DENND5B: variants seen among roughly 807,000 people sequenced by gnomAD.
DENND5B encodes DENN domain containing 5B, also known as DENN domain-containing protein 5B.
A neutral mutation model predicts 140.6 loss-of-function variants in DENND5B; 34 were observed. The ratio of observed to expected loss-of-function variants is 0.24; its 90% CI spans 0.18 to 0.32. The LOEUF (loss-of-function observed/expected upper bound fraction) is 0.32. DENND5B is among the 10% of genes least tolerant of loss of function. DENND5B has a pLI of 1.00. For synonymous variants in DENND5B, 551 were observed against 562.1 expected (o/e 0.98, Z 0.28); for missense variants, 1,142 against 1,560.2 (o/e 0.73, Z 4.52).
In DENND5B at chr12:31,479,959, G is replaced by A. The variant is rs780359826; in HGVS notation, c.534C>T (p.Ser178=). The A allele has an allele frequency of 6.2e-7, 1 of 1,613,874 alleles. No homozygotes were observed. ...ACAGGGTGTCTCTGCTAATATCATA[G>A]GAGTTGTATCGCTGGAGTTTCAAAA... is the stretch of plus-strand genomic sequence containing the variant. ...TSLLKLQRYN[S]YDISRDTLYV... is the part of the protein sequence containing the mutation. The change falls in exon 3 of 21, where the codon TCC becomes TCT. Residue 178 remains serine (S), a synonymous_variant. Transcript: ENST00000389082.
Position 31,426,386 on chromosome 12 carries a change from C to T in DENND5B, c.2145G>A (p.Leu715=). 6.2e-7 allele frequency: 1 copy of T among 1,612,444 alleles called. No homozygotes were observed. Among genetic ancestry groups the T allele is most frequent in the Non-Finnish European group, 8.5e-7 (1 of 1,179,170 alleles). Residue 715 remains leucine (L), a synonymous_variant, in exon 9 of 21, where the codon CTG becomes CTA. Coordinates refer to ENST00000389082, the MANE Select transcript of DENND5B (RefSeq NM_144973.4). ...AGAGGTCTGACAGTTTGGGTTGCCTCAGGTTTTTTCCTAAACTTCGTGCCT... is the reference window on the plus strand; with the variant it reads ...AGAGGTCTGACAGTTTGGGTTGCCTTAGGTTTTTTCCTAAACTTCGTGCCT... ...MQEARSLGKN[L]RQPKLSDLSP...
At position 31,523,058 on chromosome 12, in the gene DENND5B, T is replaced by C. The variant is rs1247352019; in HGVS notation, c.128-27139A>G. Among the ~76,000 whole-genome samples, 11 of 145,972 alleles carry C rather than the reference T, an allele frequency of 7.5e-5. No individual in the cohort carries two copies. The East Asian group carries it at 1.7e-3, about 22-fold the overall frequency. Reference sequence around the variant, plus strand: ...GGTGAGATAAATGTGCCTTTTTTTTTCCTTTTTTTTTTTTTTTAAAGAAAA... The same window carrying C: ...GGTGAGATAAATGTGCCTTTTTTTTCCCTTTTTTTTTTTTTTTAAAGAAAA... On this transcript the variant is annotated intron_variant, in intron 1 of 20. Coordinates refer to ENST00000389082, the MANE Select transcript of DENND5B (RefSeq NM_144973.4).
At chr12:31,511,920 C>T (rs1343845810) in intron 1 of DENND5B, among the ~76,000 whole-genome samples, 2 of 73,750 alleles carry the variant, frequency 2.7e-5, no homozygotes, top group South Asian at 4.5e-4. Context: ...CCTCCACTGC[C>T]CTTTTTTTTT....
At chr12:31,483,471 T>C (rs552649031) in intron 2 of DENND5B, among the ~76,000 whole-genome samples, 1 of 152,186 alleles carries the variant, frequency 6.6e-6, no homozygotes, top group African/African-American at 2.4e-5. Context: ...GACGGAGTCT[T>C]GCTCTGTCAC....
chr12:31,392,237 C>A (rs772219745), intron 19 of DENND5B, 30 bp downstream of exon 19: 6 of 1,612,370 alleles, frequency 3.7e-6, no homozygotes, highest in Non-Finnish European at 5.1e-6. Flanking sequence ...CTTCAGTGAC[C>A]TTAATGTAAT....
At chr12:31,390,549 T>C (rs1347572383) in intron 19 of DENND5B, among the ~76,000 whole-genome samples, 1 of 151,924 alleles carries the variant, frequency 6.6e-6, no homozygotes, top group African/African-American at 2.4e-5. Flanking sequence ...GGCAGGAGAA[T>C]TGCTTGAACC....
chr12:31,489,111 C>T (rs1190545024), intron 2 of DENND5B, among the ~76,000 whole-genome samples: 1 of 152,204 alleles, frequency 6.6e-6, no homozygotes, highest in African/African-American at 2.4e-5. Flanking sequence ...TAACCACACT[C>T]TGGTCAACAA....
chr12:31,450,796 AT>A (rs1373689499), intron 5 of DENND5B, among the ~76,000 whole-genome samples: 16 of 152,210 alleles, frequency 1.1e-4, no homozygotes, highest in Admixed American at 9.8e-4. Flanking sequence ...ATACATTCTA[AT>A]AGCAGTATTA....
chr12:31,426,687 T>C (rs1247346171), intron 8 of DENND5B: 4 of 305,570 alleles, frequency 1.3e-5, no homozygotes, highest in Non-Finnish European at 2.5e-5. Flanking sequence ...TGACATTTCA[T>C]TTCATTTAGT....
At chr12:31,451,490 A>AT (rs1234647466) in intron 5 of DENND5B, among the ~76,000 whole-genome samples, 1 of 151,790 alleles carries the variant, frequency 6.6e-6, no homozygotes, top group East Asian at 1.9e-4. Flanking sequence ...CGCCCAGCTA[A>AT]TTTTTTGTAT....
intron 12 of DENND5B, among the ~76,000 whole-genome samples, chr12:31,414,610 A>G (rs2137582779): frequency 6.6e-6 from 1 of 152,228 alleles, no homozygotes; most frequent in African/African-American, 2.4e-5. Context: ...ACTTGAGCCC[A>G]GGAGTTTGAG....
In DENND5B at chr12:31,389,609, G is replaced by A. The variant is rs916736174; in HGVS notation, c.3467-111C>T. 2.0e-5 allele frequency: 20 copies of A among 1,023,416 alleles called. No homozygotes were observed. The East Asian group carries it at 3.7e-4, about 19-fold the overall frequency. The allele number at this position is 1,023,416 out of a possible 1,614,324, so 63.4% of individuals were successfully genotyped here. On this transcript the variant is annotated intron_variant, in intron 19 of 20. Transcript: ENST00000389082. ...ACTAACGATGCTTTGCATACAGTCA[G>A]TCCTGAAGCCAATATCATTACTTTA...
At chr12:31,410,726 G>GA (rs1441953856) in intron 13 of DENND5B, among the ~76,000 whole-genome samples, 1 of 152,074 alleles carries the variant, frequency 6.6e-6, no homozygotes, top group African/African-American at 2.4e-5. Context: ...TACAGATGGG[G>GA]AAAAGAGAGA....
intron 1 of DENND5B, among the ~76,000 whole-genome samples, chr12:31,589,771 C>A (rs576517152): frequency 2.0e-5 from 3 of 152,034 alleles, no homozygotes; most frequent in Non-Finnish European, 4.4e-5. Context: ...GATTCAGATC[C>A]CGCGGAGGCA....
intron 11 of DENND5B, 122 bp downstream of exon 11, chr12:31,423,475 A>T: frequency 1.0e-6 from 1 of 981,158 alleles, no homozygotes; most frequent in Non-Finnish European, 1.5e-6. Flanking sequence ...CTTCTACTTT[A>T]TCCCATTATT....
At position 31,479,674 on chromosome 12, in the gene DENND5B, C is replaced by T. The variant is rs776483734; in HGVS notation, c.819G>A (p.Glu273=). The T allele has an allele frequency of 2.8e-5, 44 of 1,582,050 alleles. No homozygotes were observed. Among genetic ancestry groups the T allele is most frequent in the Middle Eastern group, 3.4e-4 (2 of 5,936 alleles). ...ELPLSDYPLR[E]AFELLGLENL... is the part of the protein sequence containing the mutation. ...TCTCTAATCCCAGGAGCTCAAATGC[C>T]TCCCGAAGGGGGTAATCAGAGAGGG... Residue 273 remains glutamate (E), a synonymous_variant, in exon 3 of 21, where the codon GAG becomes GAA. Transcript: ENST00000389082.
At chr12:31,482,057 G>A (rs1271119910) in intron 2 of DENND5B, among the ~76,000 whole-genome samples, 2 of 152,148 alleles carry the variant, frequency 1.3e-5, no homozygotes, top group Non-Finnish European at 2.9e-5. Flanking sequence ...TGGTGGGATA[G>A]GATTAATGCA....
rs182789717 is a variant in DENND5B, at chr12:31,571,730, G to A, written c.127+18976C>T. Among the ~76,000 whole-genome samples, 535 of 152,114 alleles carry A rather than the reference G, an allele frequency of 3.5e-3. 4 individuals are homozygous for A. The highest frequency in any genetic ancestry group is 0.012 in the African/African-American group (515 of 41,526). On this transcript the variant is annotated intron_variant, in intron 1 of 20. Transcript: ENST00000389082. ...CCTCTCGGGCTCAAGCGATTCTCCT[G>A]CCTCAACCTCCTGAGTAGCTGGGGA... is the stretch of plus-strand genomic sequence containing the variant.
chr12:31,565,964 A>C (rs1396139768), intron 1 of DENND5B, among the ~76,000 whole-genome samples: 2 of 151,862 alleles, frequency 1.3e-5, no homozygotes, highest in Non-Finnish European at 2.9e-5. Flanking sequence ...CAACATGGTA[A>C]AGCCCCATCT....
Sources: allele counts gnomAD v4.1 joint callset (sites outside exome capture counted in the v4.1 genomes callset), GRCh38; gene constraint gnomAD v4.1.1; transcripts MANE v1.5; gene names NCBI Gene and HGNC (gene_info 2026-07-23, HGNC 2026-07-21).